ELMO1: variants seen among roughly 807,000 people sequenced by gnomAD.
ELMO1 encodes engulfment and cell motility protein 1.
ELMO1 carries 26 observed loss-of-function variants against 98.9 expected under a neutral mutation model. That is an observed-to-expected ratio of 0.26 (90% CI 0.19 to 0.36). The LOEUF (loss-of-function observed/expected upper bound fraction) is 0.36, where lower values mean the gene tolerates loss of function less well. Among genes scored for constraint, ELMO1 ranks in the 10% least tolerant of loss-of-function variants. ELMO1 has a pLI of 1.00. For synonymous variants in ELMO1, 346 were observed against 346.0 expected (o/e 1.00, Z 0.00); for missense variants, 627 against 935.2 (o/e 0.67, Z 4.30).
intron 2 of ELMO1, among the ~76,000 whole-genome samples, chr7:37,326,045 C>T (rs10248478): frequency 0.084 from 12,790 of 152,232 alleles, 584 homozygotes; most frequent in East Asian, 0.13. Context: ...TGTGTCTATA[C>T]CCTATCTTCC....
intron 13 of ELMO1, among the ~76,000 whole-genome samples, chr7:37,207,200 C>T (rs1341154394): frequency 6.6e-6 from 1 of 152,194 alleles, no homozygotes; most frequent in Admixed American, 6.5e-5. Flanking sequence ...AGGTGAGAGT[C>T]TGCCTTCCAT....
chr7:37,397,626 T>A (rs1224083481), intron 1 of ELMO1, among the ~76,000 whole-genome samples: 1 of 152,178 alleles, frequency 6.6e-6, no homozygotes, highest in Non-Finnish European at 1.5e-5. Flanking sequence ...GAAATACCAT[T>A]TGACCCAGCA....
intron 15 of ELMO1, among the ~76,000 whole-genome samples, chr7:37,069,443 G>A (rs933791538): frequency 6.6e-6 from 1 of 152,066 alleles, no homozygotes; most frequent in Non-Finnish European, 1.5e-5. Context: ...TATGAGGCAG[G>A]GGAAAAATCC....
intron 15 of ELMO1, among the ~76,000 whole-genome samples, chr7:37,082,385 G>A (rs1479331860): frequency 6.6e-6 from 1 of 151,908 alleles, no homozygotes; most frequent in Non-Finnish European, 1.5e-5. Flanking sequence ...ATATTTCAAA[G>A]GAGAAAAACA....
At chr7:37,256,218 T>C (rs1795633141) in intron 6 of ELMO1, among the ~76,000 whole-genome samples, 4 of 152,118 alleles carry the variant, frequency 2.6e-5, no homozygotes, top group Admixed American at 2.6e-4. Context: ...CCACTCCACG[T>C]TGAGGTATGC....
intron 13 of ELMO1, among the ~76,000 whole-genome samples, chr7:37,179,824 C>T (rs1019935371): frequency 1.3e-5 from 2 of 152,032 alleles, no homozygotes; most frequent in South Asian, 2.1e-4. Flanking sequence ...CTCAAGGTAG[C>T]GAGGTGCTTT....
intron 14 of ELMO1, among the ~76,000 whole-genome samples, chr7:37,127,329 C>A (rs1786596922): frequency 6.6e-6 from 1 of 152,138 alleles, no homozygotes; most frequent in African/African-American, 2.4e-5. Context: ...TGTGGACTTT[C>A]CATGTTTTCT....
At chr7:37,210,466 ATATTAT>A in intron 13 of ELMO1, among the ~76,000 whole-genome samples, 1 of 151,570 alleles carries the variant, frequency 6.6e-6, no homozygotes. Context: ...CTATGTATAA[ATATTAT>A]TATTAGTATA....
At chr7:36,963,398 A>G (rs1056529342) in intron 16 of ELMO1, among the ~76,000 whole-genome samples, 1 of 135,922 alleles carries the variant, frequency 7.4e-6, no homozygotes, top group Non-Finnish European at 1.5e-5. Context: ...TAAATAAATA[A>G]ATAAAAAAAT....
chr7:37,341,035 T>C (rs1800685130), intron 2 of ELMO1, among the ~76,000 whole-genome samples: 1 of 152,226 alleles, frequency 6.6e-6, no homozygotes, highest in Non-Finnish European at 1.5e-5. Flanking sequence ...CGTCTCAGAT[T>C]GAACTACACA....
At chr7:37,078,346 C>A (rs1797694649) in intron 15 of ELMO1, among the ~76,000 whole-genome samples, 1 of 152,168 alleles carries the variant, frequency 6.6e-6, no homozygotes, top group South Asian at 2.1e-4. Context: ...CTATAAATCT[C>A]TACCTATAAA....
intron 2 of ELMO1, among the ~76,000 whole-genome samples, chr7:37,321,303 G>T (rs1799476692): frequency 6.6e-6 from 1 of 152,134 alleles, no homozygotes; most frequent in South Asian, 2.1e-4. Context: ...TGCCCAAAAG[G>T]TTACGTAAGG....
chr7:37,129,945 C>T (rs1467394619), intron 14 of ELMO1, among the ~76,000 whole-genome samples: 1 of 152,156 alleles, frequency 6.6e-6, no homozygotes, highest in Non-Finnish European at 1.5e-5. Flanking sequence ...ACTGTGGCTC[C>T]CTGAACAAAG....
chr7:37,216,657 G>C lies in ELMO1; in HGVS notation c.819C>G (p.Ser273=), dbSNP rs751020192. ...ANILAQKQLR[S]IILTHVIRAQ... ...CATAGGTACTCACTGTTAAAATGAT[G>C]GAACGCAGTTGCTTCTGAGCCAAAA... The change falls in exon 11 of 22, where the codon TCC becomes TCG. Residue 273 remains serine (S), a synonymous_variant. Transcript: ENST00000310758. 6.2e-6 allele frequency: 10 copies of C among 1,614,116 alleles called. No individual in the cohort carries two copies. Among genetic ancestry groups the C allele is most frequent in the Non-Finnish European group, 8.5e-6 (10 of 1,180,000 alleles).
intron 16 of ELMO1, among the ~76,000 whole-genome samples, chr7:36,939,702 C>T (rs56271598): frequency 0.18 from 27,888 of 152,132 alleles, 2,994 homozygotes; most frequent in South Asian, 0.35. Context: ...CCTGGGATGG[C>T]GGGGGGTGCC....
intron 4 of ELMO1, among the ~76,000 whole-genome samples, chr7:37,296,779 G>A (rs1798048419): frequency 6.6e-6 from 1 of 152,172 alleles, no homozygotes; most frequent in Non-Finnish European, 1.5e-5. Context: ...ATTTCATCAT[G>A]TAAATTTGTA....
chr7:37,091,470 T>C (rs905780173), intron 15 of ELMO1, among the ~76,000 whole-genome samples: 1 of 152,138 alleles, frequency 6.6e-6, no homozygotes, highest in Admixed American at 6.6e-5. Flanking sequence ...AGCTACCATT[T>C]CTTTTTCCCC....
At chr7:36,890,719 CT>C (rs1485200428) in intron 17 of ELMO1, among the ~76,000 whole-genome samples, 1 of 152,196 alleles carries the variant, frequency 6.6e-6, no homozygotes, top group Non-Finnish European at 1.5e-5. Context: ...CTTCCAAAAA[CT>C]TGCTTTCTTA....
chr7:37,165,450 T>G (rs1789601878), intron 13 of ELMO1, among the ~76,000 whole-genome samples: 1 of 152,088 alleles, frequency 6.6e-6, no homozygotes, highest in Non-Finnish European at 1.5e-5. Context: ...TTTTGCCCAT[T>G]CAGTATGATA....
Sources: allele counts gnomAD v4.1 joint callset (sites outside exome capture counted in the v4.1 genomes callset), GRCh38; gene constraint gnomAD v4.1.1; transcripts MANE v1.5; gene names NCBI Gene and HGNC (gene_info 2026-07-23, HGNC 2026-07-21).